Variants in FUT9 observed in about 807,000 individuals in gnomAD.
FUT9 encodes the protein 4-galactosyl-N-acetylglucosaminide 3-alpha-L-fucosyltransferase 9.
In FUT9, 15 loss-of-function variants were observed where a neutral mutation model predicts 29.7. That is an observed-to-expected ratio of 0.51 (90% CI 0.34 to 0.78). The LOEUF (loss-of-function observed/expected upper bound fraction) is 0.78, where lower values mean the gene tolerates loss of function less well. Ranked by LOEUF, FUT9 falls within the 30% of genes least tolerant of loss-of-function variation. The probability of loss-of-function intolerance (pLI) is 0.01; values close to 1 mark genes in which losing one functional copy is unlikely to be tolerated. For synonymous variants in FUT9, 169 were observed against 153.7 expected, an observed-to-expected ratio of 1.10 and a Z score of -0.74; for missense variants, 319 against 425.4, an observed-to-expected ratio of 0.75 and a Z score of 2.20.
intron 2 of FUT9, among the ~76,000 whole-genome samples, chr6:96,187,960 C>T (rs1773434299): frequency 6.6e-6 from 1 of 152,044 alleles, no homozygotes; most frequent in Non-Finnish European, 1.5e-5. Context: ...GCAATTAATG[C>T]ATCATTAATC....
At chr6:96,081,134 A>G (rs2127950798) in intron 1 of FUT9, among the ~76,000 whole-genome samples, 1 of 151,996 alleles carries the variant, frequency 6.6e-6, no homozygotes, top group Admixed American at 6.6e-5. Flanking sequence ...ATTTCATGAA[A>G]GAAACATAAA....
chr6:96,197,902 T>A (rs1298333115), intron 2 of FUT9, among the ~76,000 whole-genome samples: 1 of 152,188 alleles, frequency 6.6e-6, no homozygotes, highest in Non-Finnish European at 1.5e-5. Flanking sequence ...TCTTTCCATT[T>A]AAAATAAGGA....
intron 2 of FUT9, among the ~76,000 whole-genome samples, chr6:96,144,174 A>T (rs1772520964): frequency 6.6e-6 from 1 of 151,658 alleles, no homozygotes; most frequent in Non-Finnish European, 1.5e-5. Flanking sequence ...ATCATCTGTG[A>T]CTCCTGCTTT....
chr6:96,088,573 C>CAT (rs1771360738), intron 1 of FUT9, among the ~76,000 whole-genome samples: 1 of 149,306 alleles, frequency 6.7e-6, no homozygotes, highest in African/African-American at 2.5e-5. Context: ...TGTGTGCGTG[C>CAT]GCGCGCGTGC....
At chr6:96,061,014 A>ATTT (rs1320752742) in intron 1 of FUT9, among the ~76,000 whole-genome samples, 3 of 152,152 alleles carry the variant, frequency 2.0e-5, no homozygotes, top group African/African-American at 7.2e-5. Context: ...CCAAATACAT[A>ATTT]AGCCTGTTAT....
chr6:96,073,341 C>T (rs375941770), intron 1 of FUT9, among the ~76,000 whole-genome samples: 9 of 151,032 alleles, frequency 6.0e-5, no homozygotes, highest in Non-Finnish European at 8.8e-5. Context: ...CCCAGCTACT[C>T]GGGAGGCTGA....
chr6:96,049,610 T>C (rs1244805113), intron 1 of FUT9, among the ~76,000 whole-genome samples: 1 of 152,172 alleles, frequency 6.6e-6, no homozygotes, highest in African/African-American at 2.4e-5. Context: ...AGCATGAGAA[T>C]AAATGAGAGA....
rs895706003 is a variant in FUT9 at position 96,208,465 on chromosome 6, T to C, written c.*4230T>C. The C allele has an allele frequency of 4.2e-5, 7 of 166,804 alleles. No individual in the cohort carries two copies. The highest frequency in any genetic ancestry group is 1.0e-4 in the Non-Finnish European group (7 of 68,018). The allele number at this position is 166,804 out of a possible 1,614,324, so 10.3% of individuals were successfully genotyped here. A position where few individuals can be genotyped will look rare whatever the true frequency, so the allele number is the denominator to read the frequency against. ...TCTAAAGGATAAGCACAGTGCCTAA[T>C]GTACAGGAGGGTCATATCAAATACT... is the stretch of plus-strand genomic sequence containing the variant. On this transcript the variant is annotated 3_prime_UTR_variant, in exon 3 of 3. Coordinates refer to ENST00000302103, the MANE Select transcript of FUT9 (RefSeq NM_006581.4).
At chr6:96,098,734 G>C (rs1771541363) in intron 1 of FUT9, among the ~76,000 whole-genome samples, 1 of 152,080 alleles carries the variant, frequency 6.6e-6, no homozygotes, top group Non-Finnish European at 1.5e-5. Context: ...TGTTTGGTAG[G>C]AAAGATCTAT....
intron 1 of FUT9, among the ~76,000 whole-genome samples, chr6:96,026,668 G>A (rs1393374314): frequency 6.6e-6 from 1 of 151,578 alleles, no homozygotes; most frequent in Non-Finnish European, 1.5e-5. Flanking sequence ...GTGCAATGCT[G>A]CTTTAATATG....
chr6:96,201,998 A>G (rs1232783491), intron 2 of FUT9, among the ~76,000 whole-genome samples: 1 of 151,920 alleles, frequency 6.6e-6, no homozygotes, highest in Non-Finnish European at 1.5e-5. Context: ...TTGGAAGGAA[A>G]CATCTAATGT....
At chr6:96,139,701 A>G (rs1490854843) in intron 2 of FUT9, among the ~76,000 whole-genome samples, 2 of 152,126 alleles carry the variant, frequency 1.3e-5, no homozygotes, top group Admixed American at 6.6e-5. Flanking sequence ...GCTCAACACC[A>G]TGTGTAAGCT....
intron 1 of FUT9, among the ~76,000 whole-genome samples, chr6:96,099,944 G>T (rs906841463): frequency 3.3e-5 from 5 of 152,028 alleles, no homozygotes; most frequent in African/African-American, 7.2e-5. Context: ...GCAACAAAAA[G>T]GTCAATGGAA....
intron 1 of FUT9, among the ~76,000 whole-genome samples, chr6:96,052,761 G>A (rs566610309): frequency 1.4e-4 from 22 of 151,994 alleles, no homozygotes; most frequent in African/African-American, 5.3e-4. Context: ...TAGTTTTTTG[G>A]CTATTTTACT....
At position 96,097,214 on chromosome 6, in the gene FUT9, C is replaced by T. The variant is rs74993796; in HGVS notation, c.-97-16825C>T. On this transcript the variant is annotated intron_variant, in intron 1 of 2. Coordinates refer to ENST00000302103, the MANE Select transcript of FUT9 (RefSeq NM_006581.4). The stretch of plus-strand genomic sequence containing the variant: ...CTTCTTCTCACTAGAAGGGATTTCC[C>T]TGAGAAAAGGAGCAGTTTTAGTCGT... 6.2e-3 allele frequency among the ~76,000 whole-genome samples: 944 copies of T among 152,276 alleles called. 10 individuals carry two copies. Among genetic ancestry groups the T allele is most frequent in the African/African-American group, 0.022 (899 of 41,552 alleles).
intron 1 of FUT9, among the ~76,000 whole-genome samples, chr6:96,041,361 T>G (rs1770455961): frequency 6.6e-6 from 1 of 152,190 alleles, no homozygotes; most frequent in South Asian, 2.1e-4. Context: ...ACATGATTTA[T>G]AACTTACATG....
At chr6:96,176,300 C>T (rs1398595786) in intron 2 of FUT9, among the ~76,000 whole-genome samples, 2 of 152,010 alleles carry the variant, frequency 1.3e-5, no homozygotes, top group Admixed American at 1.3e-4. Context: ...TTATATCTCT[C>T]TACATTTATA....
intron 1 of FUT9, among the ~76,000 whole-genome samples, chr6:96,016,443 C>T (rs906465969): frequency 6.6e-6 from 1 of 152,162 alleles, no homozygotes; most frequent in East Asian, 1.9e-4. Context: ...AGCTCGCAGT[C>T]CCGCCTCACC....
rs118037904 is a variant in FUT9 at position 96,043,376 on chromosome 6, C to A, written c.-98+27164C>A. Among the ~76,000 whole-genome samples, 615 of 152,294 alleles carry A rather than the reference C, an allele frequency of 4.0e-3. 2 individuals are homozygous for A. The highest frequency in any genetic ancestry group is 7.3e-3 in the Non-Finnish European group (495 of 68,034). ...ATTGTTGTTTATTCTAAGGGTATAA[C>A]TGTTATACATTATTTGATGTCAAAT... On this transcript the variant is annotated intron_variant, in intron 1 of 2. Transcript: ENST00000302103.
Sources: gnomAD v4.1 joint callset for allele counts (sites outside exome capture counted in the v4.1 genomes callset) on GRCh38, gnomAD v4.1.1 for gene constraint, MANE v1.5 for transcripts, NCBI Gene and HGNC (gene_info 2026-07-23, HGNC 2026-07-21) for gene names.